Variants in IQGAP3 observed in about 807,000 individuals in gnomAD.
The protein encoded by IQGAP3 is ras GTPase-activating-like protein IQGAP3.
In IQGAP3, 165 loss-of-function variants were observed where a neutral mutation model predicts 208.2. The observed-to-expected ratio is 0.79, with a 90% CI of 0.70 to 0.90. The LOEUF is 0.90. Ranked by LOEUF, IQGAP3 falls within the 40% of genes least tolerant of loss-of-function variation. IQGAP3 has a pLI of 0.00. For synonymous variants in IQGAP3, 703 were observed against 803.6 expected, an observed-to-expected ratio of 0.87 and a Z score of 2.12; for missense variants, 1,811 against 2,043.1, an observed-to-expected ratio of 0.89 and a Z score of 2.19.
In IQGAP3 at chr1:156,534,499, A is replaced by G. The variant is rs1571316133; in HGVS notation, c.3740+2T>C. The stretch of plus-strand genomic sequence containing the variant: ...GGGACAGAGAGGAAAGGGACCCAAG[A>G]CCTGAACTTGAGGTGTGTTTCCTCC... On this transcript the variant is annotated splice_donor_variant, in intron 29 of 37. Transcript: ENST00000361170. LOFTEE classifies it high-confidence loss of function. 1.3e-6 allele frequency: 2 copies of G among 1,557,878 alleles called. No individual in the cohort carries two copies. Among genetic ancestry groups the G allele is most frequent in the Non-Finnish European group, 1.7e-6 (2 of 1,150,610 alleles).
chr1:156,556,497 A>G (rs1216591213), intron 12 of IQGAP3, 36 bp downstream of exon 12: 2 of 1,610,714 alleles, frequency 1.2e-6, no homozygotes, highest in Non-Finnish European at 1.7e-6. Flanking sequence ...AGCTGCATGG[A>G]GACTGCAGAG....
At position 156,556,522 on chromosome 1, in the gene IQGAP3, C is replaced by T. The variant is rs1370047845; in HGVS notation, c.1290+11G>A. On this transcript the variant is annotated intron_variant, in intron 12 of 37. Transcript: ENST00000361170. ...AGACTGCAGAGCTAGACCCACATTT[C>T]TGGGGCTTACCCCCTGCTGCTGCTG... 2 of 1,613,988 alleles carry T rather than the reference C, an allele frequency of 1.2e-6. No homozygotes were observed. The highest frequency in any genetic ancestry group is 8.5e-7 in the Non-Finnish European group (1 of 1,179,966).
intron 11 of IQGAP3, 110 bp downstream of exon 11, chr1:156,560,824 A>C (rs1676113130): frequency 1.4e-6 from 1 of 709,186 alleles, no homozygotes. Flanking sequence ...GCCAGGCTGG[A>C]AACAGCAGCA....
chr1:156,543,925 G>A, intron 22 of IQGAP3, 56 bp downstream of exon 22: 4 of 1,479,114 alleles, frequency 2.7e-6, no homozygotes, highest in Non-Finnish European at 3.8e-6. Flanking sequence ...GACCTGCCTG[G>A]CTCTGTGGGG....
At chr1:156,570,668 TCTGG>T (rs938943085) in intron 1 of IQGAP3, among the ~76,000 whole-genome samples, 8 of 152,264 alleles carry the variant, frequency 5.3e-5, no homozygotes, top group African/African-American at 1.9e-4. Context: ...CACCACCATG[TCTGG>T]CTAATTCTTG....
At chr1:156,535,651 T>A (rs1470963356) in intron 27 of IQGAP3, among the ~76,000 whole-genome samples, 1 of 152,164 alleles carries the variant, frequency 6.6e-6, no homozygotes, top group East Asian at 1.9e-4. Context: ...AACCCTGTCC[T>A]AGGACAGCCT....
intron 23 of IQGAP3, 23 bp downstream of exon 23, chr1:156,540,685 G>C (rs1181051095): frequency 1.1e-5 from 18 of 1,593,346 alleles, no homozygotes; most frequent in Non-Finnish European, 1.5e-5. Context: ...TCTCGGGGAG[G>C]GGAGGACTGG....
rs146377246 is a variant in IQGAP3, at chr1:156,556,535, C to A, written c.1288G>T (p.Gly430Trp). The A allele has an allele frequency of 5.6e-6, 9 of 1,613,958 alleles. No individual in the cohort carries two copies. The highest frequency in any genetic ancestry group is 1.6e-4 in the Middle Eastern group (1 of 6,076). ...LELAVLQQQQGELGQEELFVA... is the reference protein window; with the variant it reads ...LELAVLQQQQWELGQEELFVA... ...AGACCCACATTTCTGGGGCTTACCC[C>A]CTGCTGCTGCTGGAGCACTGCCAGC... Residue 430 changes from glycine to tryptophan, a missense_variant and splice_region_variant, in exon 12 of 38, where the codon GGG becomes TGG. Physicochemically the swap from Gly to Trp is radical, Grantham distance 184. Coordinates refer to ENST00000361170, the MANE Select transcript of IQGAP3 (RefSeq NM_178229.5).
intron 9 of IQGAP3, among the ~76,000 whole-genome samples, 189 bp from the exon 10 acceptor site, chr1:156,562,190 C>T (rs1485757165): frequency 6.6e-6 from 1 of 152,010 alleles, no homozygotes; most frequent in Non-Finnish European, 1.5e-5. Flanking sequence ...CTCACTTCGC[C>T]GCCCCAGACC....
At position 156,530,185 on chromosome 1, in the gene IQGAP3, G is replaced by C; in HGVS notation, c.4324C>G (p.Arg1442Gly). Residue 1442 changes from arginine to glycine, a missense_variant, in exon 34 of 38, where the codon CGG becomes GGG. By Grantham distance (125) the Arg-to-Gly change is moderately radical. Transcript: ENST00000361170. ...AGGGCTTCAAGTCGGCGTAGGTTCCGCAGGACGCGCCGCTGCTTCTCTGCC... is the reference window on the plus strand; with the variant it reads ...AGGGCTTCAAGTCGGCGTAGGTTCCCCAGGACGCGCCGCTGCTTCTCTGCC... Reference protein sequence around the residue: ...PLAEKQRRVLRNLRRLEALGL... With the variant: ...PLAEKQRRVLGNLRRLEALGL... The C allele has an allele frequency of 6.2e-7, 1 of 1,612,174 alleles. No individual in the cohort carries two copies.
At position 156,528,073 on chromosome 1, in the gene IQGAP3, G is replaced by A; in HGVS notation, c.4674-13C>T. ...GACGTTTCTGAAGCTGTCAGGAACA[G>A]GATTCAAAACAGGAACCCACTGCCT... On this transcript the variant is annotated splice_polypyrimidine_tract_variant and intron_variant, in intron 36 of 37. Coordinates refer to ENST00000361170, the MANE Select transcript of IQGAP3 (RefSeq NM_178229.5). 6.2e-7 allele frequency: 1 copy of A among 1,605,500 alleles called. No homozygotes were observed. The highest frequency in any genetic ancestry group is 8.5e-7 in the Non-Finnish European group (1 of 1,172,146).
chr1:156,548,143 A>T lies in IQGAP3; in HGVS notation c.2234T>A (p.Leu745Gln). 1 of 1,613,990 alleles carries T rather than the reference A, an allele frequency of 6.2e-7. No individual in the cohort carries two copies. The highest frequency in any genetic ancestry group is 8.5e-7 in the Non-Finnish European group (1 of 1,179,914). ...ATGCTCAGCAAACTTCTGCCGAACT[A>T]GGAAGCCACGGAGGCGGGCCTGGAG... ...IQLQARLRGF[L>Q]VRQKFAEHSH... Residue 745 changes from leucine (L) to glutamine (Q), a missense_variant, in exon 19 of 38, where the codon CTA becomes CAA. Coordinates refer to ENST00000361170, the MANE Select transcript of IQGAP3 (RefSeq NM_178229.5).
At position 156,535,497 on chromosome 1, in the gene IQGAP3, TCA is replaced by T. The variant is rs577770606; in HGVS notation, c.3423-252_3423-251del. On this transcript the variant is annotated intron_variant, in intron 27 of 37. Coordinates refer to ENST00000361170, the MANE Select transcript of IQGAP3 (RefSeq NM_178229.5). ...AGGGCCCTATCATCTACTAAATCTC[TCA>T]CACAGCCTCCAACCTGGCTCGAGAA... is the stretch of plus-strand genomic sequence containing the variant. Among the ~76,000 whole-genome samples, 512 of 152,228 alleles carry T rather than the reference TCA, an allele frequency of 3.4e-3. 1 individual carries two copies. The highest frequency in any genetic ancestry group is 5.2e-3 in the Non-Finnish European group (353 of 68,020).
At chr1:156,569,873 A>G (rs11264499) in intron 1 of IQGAP3, among the ~76,000 whole-genome samples, 144,872 of 152,142 alleles carry the variant, frequency 0.95, 69,380 homozygotes, top group East Asian at 1. Context: ...GAGACCTGAA[A>G]CATCTCCCAT....
intron 27 of IQGAP3, 57 bp downstream of exon 27, chr1:156,537,124 G>A: frequency 6.4e-7 from 1 of 1,567,158 alleles, no homozygotes; most frequent in Non-Finnish European, 8.7e-7. Context: ...GCTCCCCATG[G>A]TGGCCTGGCC....
chr1:156,531,627 A>G (rs1171569), intron 32 of IQGAP3, among the ~76,000 whole-genome samples: 67,754 of 139,664 alleles, frequency 0.49, 18,625 homozygotes, highest in African/African-American at 0.75. Flanking sequence ...TTTTTGAGAT[A>G]GAGTTTCACT....
chr1:156,542,189 C>CT, intron 22 of IQGAP3, among the ~76,000 whole-genome samples: 1 of 152,176 alleles, frequency 6.6e-6, no homozygotes, highest in South Asian at 2.1e-4. Context: ...GGGAACAAAT[C>CT]TTTTTTTATT....
At chr1:156,540,040 G>T in intron 23 of IQGAP3, 50 bp from the exon 24 acceptor site, 2 of 1,605,298 alleles carry the variant, frequency 1.2e-6, no homozygotes, top group Non-Finnish European at 1.7e-6. Context: ...CCATCCCAGG[G>T]CACAGAACAT....
intron 32 of IQGAP3, among the ~76,000 whole-genome samples, chr1:156,532,386 CA>C (rs11302550): frequency 0.45 from 36,549 of 81,402 alleles, 5,459 homozygotes; most frequent in African/African-American, 0.59. Context: ...GACTCCATCT[CA>C]AAAAAAAAAA....
Sources: gnomAD v4.1 joint callset for allele counts (sites outside exome capture counted in the v4.1 genomes callset) on GRCh38, gnomAD v4.1.1 for gene constraint, MANE v1.5 for transcripts, NCBI Gene and HGNC (gene_info 2026-07-23, HGNC 2026-07-21) for gene names.